Variants in NCAM2 observed in about 807,000 individuals in gnomAD.
The protein encoded by NCAM2 is neural cell adhesion molecule 2, also known as N-CAM-2.
In NCAM2, 30 loss-of-function variants were observed where a neutral mutation model predicts 98.1. That is an observed-to-expected ratio of 0.31 (90% CI 0.23 to 0.41). The LOEUF is 0.41. Ranked by LOEUF, NCAM2 falls within the 10% of genes least tolerant of loss-of-function variation. The probability of loss-of-function intolerance (pLI) is 1.00; values close to 1 mark genes in which losing one functional copy is unlikely to be tolerated. For synonymous variants in NCAM2, 368 were observed against 342.4 expected, an observed-to-expected ratio of 1.07 and a Z score of -0.83; for missense variants, 867 against 1,005.8, an observed-to-expected ratio of 0.86 and a Z score of 1.87.
At chr21:21,010,337 T>TA (rs2064186546) in intron 1 of NCAM2, among the ~76,000 whole-genome samples, 2 of 152,026 alleles carry the variant, frequency 1.3e-5, no homozygotes, top group African/African-American at 4.8e-5. Context: ...ATGTGCTTTA[T>TA]AAAAACCTTC....
chr21:21,374,778 A>T (rs2075994467), intron 9 of NCAM2, among the ~76,000 whole-genome samples: 1 of 151,880 alleles, frequency 6.6e-6, no homozygotes. Context: ...TGTATGAGAT[A>T]TTCTTATTGA....
At chr21:21,085,420 G>T (rs1238318585) in intron 1 of NCAM2, among the ~76,000 whole-genome samples, 1 of 152,034 alleles carries the variant, frequency 6.6e-6, no homozygotes, top group African/African-American at 2.4e-5. Flanking sequence ...TCCACTGGCT[G>T]GGTTCCTCAG....
intron 12 of NCAM2, among the ~76,000 whole-genome samples, chr21:21,438,215 T>C (rs1297690522): frequency 6.6e-6 from 1 of 152,152 alleles, no homozygotes; most frequent in Non-Finnish European, 1.5e-5. Context: ...AATACACTTA[T>C]TGATGTGTCC....
chr21:21,116,952 A>G (rs1413917743), intron 1 of NCAM2, among the ~76,000 whole-genome samples: 3 of 152,216 alleles, frequency 2.0e-5, no homozygotes, highest in Non-Finnish European at 2.9e-5. Context: ...TTTTAAGGCG[A>G]TAATTTTTGG....
intron 8 of NCAM2, among the ~76,000 whole-genome samples, chr21:21,366,150 T>A (rs1260393748): frequency 6.6e-6 from 1 of 152,056 alleles, no homozygotes; most frequent in Non-Finnish European, 1.5e-5. Flanking sequence ...GTATTTACTG[T>A]ATTTTTCCAC....
At chr21:21,135,195 A>G (rs534375282) in intron 1 of NCAM2, among the ~76,000 whole-genome samples, 16 of 149,336 alleles carry the variant, frequency 1.1e-4, no homozygotes, top group African/African-American at 3.9e-4. Context: ...GCAGTGAGCC[A>G]AGATTGCGCC....
chr21:21,022,439 A>C (rs1033246053), intron 1 of NCAM2, among the ~76,000 whole-genome samples: 1 of 152,046 alleles, frequency 6.6e-6, no homozygotes, highest in African/African-American at 2.4e-5. Context: ...AATTATTTTA[A>C]TTTTTGCATG....
rs183505246 is a variant in NCAM2, at chr21:21,498,417, C to A, written c.2078-10434C>A. Among the ~76,000 whole-genome samples the A allele has an allele frequency of 2.0e-4, 31 of 152,150 alleles. No homozygotes were observed. In the East Asian group the frequency reaches 5.4e-3, roughly 27 times the overall value. ...ACATTACTAGCATTACATACTTTTT[C>A]TTTTCAAATTATTCATTGAAAATTA... On this transcript the variant is annotated intron_variant, in intron 15 of 17. Coordinates refer to ENST00000400546, the MANE Select transcript of NCAM2 (RefSeq NM_004540.5).
At chr21:21,099,854 T>A (rs2146483055) in intron 1 of NCAM2, among the ~76,000 whole-genome samples, 1 of 152,016 alleles carries the variant, frequency 6.6e-6, no homozygotes, top group South Asian at 2.1e-4. Flanking sequence ...TCATCTTTAC[T>A]TCTACACTAC....
chr21:21,021,763 G>C (rs2064441754), intron 1 of NCAM2, among the ~76,000 whole-genome samples: 1 of 152,054 alleles, frequency 6.6e-6, no homozygotes, highest in African/African-American at 2.4e-5. Flanking sequence ...CATCTCTTAT[G>C]AACGACTAGT....
chr21:21,361,337 T>G (rs937312965), intron 8 of NCAM2, among the ~76,000 whole-genome samples: 3 of 152,118 alleles, frequency 2.0e-5, no homozygotes, highest in African/African-American at 7.2e-5. Context: ...ATTTTACCAC[T>G]CCACTGAAAC....
chr21:21,042,840 A>G (rs2064933034), intron 1 of NCAM2, among the ~76,000 whole-genome samples: 1 of 152,208 alleles, frequency 6.6e-6, no homozygotes, highest in African/African-American at 2.4e-5. Context: ...GGCTTAAATA[A>G]CAACATAATT....
At chr21:21,409,447 C>T (rs1205729119) in intron 9 of NCAM2, among the ~76,000 whole-genome samples, 1 of 151,974 alleles carries the variant, frequency 6.6e-6, no homozygotes, top group East Asian at 1.9e-4. Context: ...AATATGGATA[C>T]TTTAGGGAAA....
intron 8 of NCAM2, among the ~76,000 whole-genome samples, chr21:21,363,056 G>A (rs931386593): frequency 6.6e-6 from 1 of 152,098 alleles, no homozygotes; most frequent in Non-Finnish European, 1.5e-5. Context: ...TAAATTTTTA[G>A]TAGCATATTC....
At chr21:21,284,823 C>A in intron 3 of NCAM2, among the ~76,000 whole-genome samples, 1 of 151,090 alleles carries the variant, frequency 6.6e-6, no homozygotes. Flanking sequence ...CAAGAGTAGT[C>A]AGAAAGTTGA....
At chr21:21,362,817 C>T (rs537091737) in intron 8 of NCAM2, among the ~76,000 whole-genome samples, 2 of 152,204 alleles carry the variant, frequency 1.3e-5, no homozygotes, top group South Asian at 4.1e-4. Flanking sequence ...CAGGTAATAA[C>T]TATGAATATG....
At chr21:21,330,493 G>C (rs2074642994) in intron 6 of NCAM2, among the ~76,000 whole-genome samples, 2 of 151,972 alleles carry the variant, frequency 1.3e-5, no homozygotes, top group South Asian at 4.2e-4. Flanking sequence ...TCAGGAAATA[G>C]ACTTTTTAAT....
At position 21,190,018 on chromosome 21, in the gene NCAM2, C is replaced by T. The variant is rs539364173; in HGVS notation, c.56-90560C>T. ...ACAAAGGAGAGCAGCTGCTAAGTTG[C>T]GATCATTCTTAATTTCTGCATTATA... On this transcript the variant is annotated intron_variant, in intron 1 of 17. Transcript: ENST00000400546. Among the ~76,000 whole-genome samples the T allele has an allele frequency of 5.5e-4, 83 of 152,190 alleles. No homozygotes were observed. In the Middle Eastern group the frequency reaches 0.031, roughly 56 times the overall value.
intron 1 of NCAM2, among the ~76,000 whole-genome samples, chr21:21,045,615 A>G (rs1276803029): frequency 6.6e-6 from 1 of 151,994 alleles, no homozygotes; most frequent in African/African-American, 2.4e-5. Flanking sequence ...CACAAACTGC[A>G]CTCCAGCCTG....
Sources: gnomAD v4.1 joint callset for allele counts (sites outside exome capture counted in the v4.1 genomes callset) on GRCh38, gnomAD v4.1.1 for gene constraint, MANE v1.5 for transcripts, NCBI Gene and HGNC (gene_info 2026-07-23, HGNC 2026-07-21) for gene names.